Variants in ERN1 observed in about 807,000 individuals in gnomAD.
The protein encoded by ERN1 is serine/threonine-protein kinase/endoribonuclease IRE1.
ERN1 carries 39 observed loss-of-function variants against 113.1 expected under a neutral mutation model. The observed-to-expected ratio is 0.34, with a 90% CI of 0.27 to 0.45. The LOEUF is 0.45. Ranked by LOEUF, ERN1 falls within the 20% of genes least tolerant of loss-of-function variation. ERN1 has a pLI of 1.00. For missense variants in ERN1, 976 were observed against 1,274.8 expected (o/e 0.77, Z 3.57); for synonymous variants, 507 against 515.9 (o/e 0.98, Z 0.23).
Position 64,054,650 on chromosome 17 carries a change from C to A in ERN1, c.1763+88G>T. 8.8e-7 allele frequency: 1 copy of A among 1,137,918 alleles called. No homozygotes were observed. Among genetic ancestry groups the A allele is most frequent in the Non-Finnish European group, 1.3e-6 (1 of 789,256 alleles). 70.5% of individuals were successfully genotyped at this position (1,137,918 alleles called of 1,614,324 possible). A position where few individuals can be genotyped will look rare whatever the true frequency, so the allele number is the denominator to read the frequency against. On this transcript the variant is annotated intron_variant, in intron 14 of 21. Transcript: ENST00000433197. The surrounding 1 kb of genome is among the most constrained non-coding windows in gnomAD (Gnocchi z 4.9). ...CGTCTAGGTCACTGCTTTGACCCTGCTGTGCTCTGAGCCTGGCACCAGGCT... is the reference window on the plus strand; with the variant it reads ...CGTCTAGGTCACTGCTTTGACCCTGATGTGCTCTGAGCCTGGCACCAGGCT...
At chr17:64,057,771 TG>T (rs1178854631) in intron 12 of ERN1, 30 bp downstream of exon 12, 1 of 1,602,270 alleles carries the variant, frequency 6.2e-7, no homozygotes, top group East Asian at 2.2e-5. Flanking sequence ...CAGAAATAGG[TG>T]GATGGCAAAG....
intron 2 of ERN1, among the ~76,000 whole-genome samples, chr17:64,083,554 G>T (rs1224801553): frequency 1.3e-5 from 2 of 152,102 alleles, no homozygotes; most frequent in Admixed American, 6.5e-5. Flanking sequence ...AAAAAGTTGT[G>T]GGGGAGTTAC....
chr17:64,103,454 G>A (rs796546405), intron 1 of ERN1, among the ~76,000 whole-genome samples: 5 of 144,862 alleles, frequency 3.5e-5, no homozygotes, highest in African/African-American at 1.0e-4. Flanking sequence ...CCGAGATCAC[G>A]CCACTGCACT....
chr17:64,090,265 C>G (rs1201690848), intron 2 of ERN1, among the ~76,000 whole-genome samples: 1 of 152,270 alleles, frequency 6.6e-6, no homozygotes, highest in South Asian at 2.1e-4. Context: ...TTGGAGGTAA[C>G]CTCCATAAGT....
At position 64,079,683 on chromosome 17, in the gene ERN1, G is replaced by A. The variant is rs766959682; in HGVS notation, c.261C>T (p.Ser87=). Residue 87 remains serine (S), a synonymous_variant, in exon 4 of 22, where the codon AGC becomes AGT. Coordinates refer to ENST00000433197, the MANE Select transcript of ERN1 (RefSeq NM_001433.5). ...PNDGSLYTLG[S]KNNEGLTKLP... Reference sequence around the variant, plus strand: ...TCACCGTCAGGCCTTCATTATTCTTGCTTCCAAGCGTATACAGGCTGCCAT... The same window carrying A: ...TCACCGTCAGGCCTTCATTATTCTTACTTCCAAGCGTATACAGGCTGCCAT... The A allele has an allele frequency of 1.9e-6, 3 of 1,613,676 alleles. No homozygotes were observed. The highest frequency in any genetic ancestry group is 2.5e-6 in the Non-Finnish European group (3 of 1,179,728).
At chr17:64,103,371 C>T (rs185989997) in intron 1 of ERN1, among the ~76,000 whole-genome samples, 23 of 152,154 alleles carry the variant, frequency 1.5e-4, no homozygotes, top group East Asian at 1.2e-3. Context: ...GTGGCAGTCA[C>T]CTGTAATCCC....
At chr17:64,125,421 A>G (rs1915054958) in intron 1 of ERN1, among the ~76,000 whole-genome samples, 1 of 152,174 alleles carries the variant, frequency 6.6e-6, no homozygotes, top group Non-Finnish European at 1.5e-5. Context: ...TTATTACCAC[A>G]TCAACCCTGA....
chr17:64,097,602 C>G (rs1023165821), intron 2 of ERN1, among the ~76,000 whole-genome samples: 1 of 152,154 alleles, frequency 6.6e-6, no homozygotes, highest in Non-Finnish European at 1.5e-5. Flanking sequence ...AACATGGACG[C>G]ATGGTATGTT....
intron 1 of ERN1, among the ~76,000 whole-genome samples, chr17:64,124,506 T>A (rs1460299310): frequency 6.6e-6 from 1 of 152,182 alleles, no homozygotes; most frequent in Non-Finnish European, 1.5e-5. Context: ...CTTGTGATAG[T>A]GAATAAGTCT....
At chr17:64,068,413 T>A in intron 6 of ERN1, 122 bp from the exon 7 acceptor site, 1 of 684,330 alleles carries the variant, frequency 1.5e-6, no homozygotes, top group South Asian at 1.7e-5. Flanking sequence ...AAGTCCAGAC[T>A]ATCCATGTCG....
At chr17:64,075,041 A>T in intron 5 of ERN1, 134 bp downstream of exon 5, 1 of 739,404 alleles carries the variant, frequency 1.4e-6, no homozygotes. Flanking sequence ...TGGGGAGAAC[A>T]GCACCTGAAG....
chr17:64,117,300 G>A (rs532280002), intron 1 of ERN1, among the ~76,000 whole-genome samples: 8 of 150,188 alleles, frequency 5.3e-5, no homozygotes, highest in Admixed American at 2.0e-4. Flanking sequence ...AAAATTAGCT[G>A]GGCGTATTGG....
In ERN1 at chr17:64,068,513, C is replaced by T. The variant is rs564996012; in HGVS notation, c.479-222G>A. On this transcript the variant is annotated intron_variant, in intron 6 of 21. Coordinates refer to ENST00000433197, the MANE Select transcript of ERN1 (RefSeq NM_001433.5). The stretch of plus-strand genomic sequence containing the variant: ...TGTGGAAGCAGAGACGACCCACCCT[C>T]GCTATGCCCTTGGACTCATGGCTCA... Among the ~76,000 whole-genome samples, 16 of 152,348 alleles carry T rather than the reference C, an allele frequency of 1.1e-4. No individual in the cohort carries two copies. The East Asian group carries it at 1.3e-3, about 13-fold the overall frequency.
intron 4 of ERN1, among the ~76,000 whole-genome samples, chr17:64,076,535 A>T (rs1457802887): frequency 6.6e-6 from 1 of 151,978 alleles, no homozygotes; most frequent in Non-Finnish European, 1.5e-5. Flanking sequence ...CAAGCTTGGG[A>T]AACATTGTTT....
intron 5 of ERN1, 111 bp from the exon 6 acceptor site, chr17:64,072,214 G>GAAATGACATCCTAA: frequency 8.5e-7 from 1 of 1,183,332 alleles, no homozygotes; most frequent in Non-Finnish European, 1.2e-6. Context: ...GAATTTCTTA[G>GAAATGACATCCTAA]GATGTCATTT....
Position 64,054,286 on chromosome 17 carries a change from G to A in ERN1, c.1917C>T (p.Tyr639=), listed in dbSNP as rs1912781052. ...FCTEKDRQFQ[Y]IAIELCAATL... ...TGGCTGCACACAGCTCGATGGCAAT[G>A]TACTGGAATTGCCGGTCCTTCTCCG... The change falls in exon 15 of 22, where the codon TAC becomes TAT. Residue 639 remains tyrosine, a synonymous_variant. Transcript: ENST00000433197. This position sits in a 1 kb window ranked among gnomAD's most constrained non-coding sequence, Gnocchi z 4.9. The A allele has an allele frequency of 2.5e-6, 4 of 1,613,846 alleles. No individual in the cohort carries two copies. The highest frequency in any genetic ancestry group is 1.6e-4 in the Middle Eastern group (1 of 6,062).
chr17:64,117,455 AG>A (rs1196579084), intron 1 of ERN1, among the ~76,000 whole-genome samples: 4 of 152,176 alleles, frequency 2.6e-5, no homozygotes, highest in Admixed American at 6.5e-5. Context: ...AAAAAAAGAA[AG>A]AAAAAGAAAA....
intron 19 of ERN1, among the ~76,000 whole-genome samples, chr17:64,046,980 G>A (rs4968692): frequency 1.3e-5 from 2 of 152,244 alleles, no homozygotes; most frequent in Admixed American, 1.3e-4. Context: ...TAACTTTGCA[G>A]AACCTATTTT....
At position 64,047,968 on chromosome 17, in the gene ERN1, C is replaced by T. The variant is rs531129152; in HGVS notation, c.2419G>A (p.Glu807Lys). The change falls in exon 19 of 22, where the codon GAA becomes AAA. Residue 807 changes from glutamate (E) to lysine (K), a missense_variant. Coordinates refer to ENST00000433197, the MANE Select transcript of ERN1 (RefSeq NM_001433.5). The stretch of plus-strand genomic sequence containing the variant: ...ATCGCAATCATCTTCTCTATCAATT[C>T]ACGTGCAATGACGTCTTCTATAAAG... Reference protein sequence around the residue: ...PEKHEDVIARELIEKMIAMDP... With the variant: ...PEKHEDVIARKLIEKMIAMDP... 3.5e-5 allele frequency: 57 copies of T among 1,612,794 alleles called. No homozygotes were observed. Among genetic ancestry groups the T allele is most frequent in the Non-Finnish European group, 4.7e-5 (56 of 1,179,150 alleles).
Sources: allele counts gnomAD v4.1 joint callset (sites outside exome capture counted in the v4.1 genomes callset), GRCh38; gene constraint gnomAD v4.1.1; non-coding constraint Gnocchi (gnomAD v3.1); transcripts MANE v1.5; gene names NCBI Gene and HGNC (gene_info 2026-07-23, HGNC 2026-07-21).